The following TMEM229B variants were observed in gnomAD, a reference collection of about 807,000 sequenced individuals.
TMEM229B encodes transmembrane protein 229B, also known as chromosome 14 open reading frame 83.
In TMEM229B, 6 loss-of-function variants were observed where a neutral mutation model predicts 13.7. That is an observed-to-expected ratio of 0.44 (90% CI 0.24 to 0.86). The LOEUF (loss-of-function observed/expected upper bound fraction) is 0.86, where lower values mean the gene tolerates loss of function less well. Ranked by LOEUF, TMEM229B falls within the 40% of genes least tolerant of loss-of-function variation. The probability of loss-of-function intolerance (pLI) is 0.23; values close to 1 mark genes in which losing one functional copy is unlikely to be tolerated. For missense variants in TMEM229B, 170 were observed against 236.0 expected, an observed-to-expected ratio of 0.72 and a Z score of 1.83; for synonymous variants, 107 against 102.1, an observed-to-expected ratio of 1.05 and a Z score of -0.29.
intron 1 of TMEM229B, among the ~76,000 whole-genome samples, chr14:67,513,200 C>T (rs1437395874): frequency 1.3e-5 from 2 of 152,162 alleles, no homozygotes; most frequent in Non-Finnish European, 1.5e-5. Flanking sequence ...ACTGGAGGCT[C>T]GGAGGTCAGG....
At chr14:67,490,593 G>A (rs111474481), upstream of TMEM229B, among the ~76,000 whole-genome samples, 5 of 152,142 alleles carry the variant, frequency 3.3e-5, no homozygotes, top group African/African-American at 1.2e-4. Context: ...AATTCCCTTC[G>A]CACCATTTTC....
chr14:67,525,794 C>T (rs2033357638), intron 1 of TMEM229B, among the ~76,000 whole-genome samples: 2 of 152,182 alleles, frequency 1.3e-5, no homozygotes, highest in Non-Finnish European at 2.9e-5. Context: ...CCAAAAGAAC[C>T]ATGATCTTCT....
chr14:67,531,583 T>C (rs1010699218), intron 1 of TMEM229B, among the ~76,000 whole-genome samples: 4 of 151,896 alleles, frequency 2.6e-5, no homozygotes, highest in Non-Finnish European at 5.9e-5. Flanking sequence ...CCACTCTCCA[T>C]GGTGCGTCTC....
At position 67,488,107 on chromosome 14, in the gene TMEM229B, C is replaced by T. The variant is rs138698256; in HGVS notation, c.-192+401G>A. On this transcript the variant is annotated intron_variant, in intron 1 of 2. Coordinates refer to ENST00000554480, the MANE Select transcript of TMEM229B (RefSeq NM_001348543.2). ...GCATGGCCCTCTGGGACAGCCCAGC[C>T]ACTCAGAAGCTGAGAACAGTATGTG... is the stretch of plus-strand genomic sequence containing the variant. Among the ~76,000 whole-genome samples the T allele has an allele frequency of 7.9e-5, 12 of 152,362 alleles. No individual in the cohort carries two copies. The East Asian group carries it at 2.1e-3, about 27-fold the overall frequency.
chr14:67,491,235 T>C (rs2032155169), upstream of TMEM229B, among the ~76,000 whole-genome samples: 2 of 152,196 alleles, frequency 1.3e-5, no homozygotes, highest in African/African-American at 4.8e-5. Flanking sequence ...CAGAGATGGA[T>C]AGGGTGACGT....
At chr14:67,532,656 C>A (rs2033502609) in intron 1 of TMEM229B, among the ~76,000 whole-genome samples, 1 of 152,174 alleles carries the variant, frequency 6.6e-6, no homozygotes, top group South Asian at 2.1e-4. Context: ...AGTTCGAGTC[C>A]AGCCTGGGCA....
At chr14:67,521,393 A>C (rs963922223) in intron 1 of TMEM229B, among the ~76,000 whole-genome samples, 4 of 152,216 alleles carry the variant, frequency 2.6e-5, no homozygotes, top group African/African-American at 9.7e-5. Flanking sequence ...TGGAGGGAGA[A>C]GAGGCATTAG....
rs1289492404 is a variant in TMEM229B, at chr14:67,496,396, T to TTTTTTG, written c.-191-9225_-191-9224insCAAAAA. Reference sequence around the variant, plus strand: ...GTGTGAGCCACTGCTCCGGCGTTTTTTTTTTTTTTTTTTTTTTTTTTTTTT... The same window carrying TTTTTTG: ...GTGTGAGCCACTGCTCCGGCGTTTTTTTTTTGTTTTTTTTTTTTTTTTTTTTTTTTT... On this transcript the variant is annotated intron_variant, in intron 1 of 2. Transcript: ENST00000357461. 3.7e-4 allele frequency among the ~76,000 whole-genome samples: 43 copies of TTTTTTG among 117,066 alleles called. 1 individual carries two copies. The highest frequency in any genetic ancestry group is 1.4e-3 in the African/African-American group (43 of 31,118). 76.8% of individuals were successfully genotyped at this position (117,066 alleles called of 152,430 possible).
chr14:67,517,599 G>T (rs1483892172), upstream of TMEM229B, among the ~76,000 whole-genome samples: 2 of 152,118 alleles, frequency 1.3e-5, no homozygotes, highest in East Asian at 1.9e-4. Context: ...AAGGTGCAAG[G>T]CATGGCATCA....
upstream of TMEM229B, among the ~76,000 whole-genome samples, chr14:67,492,250 T>C (rs2032199541): frequency 6.6e-6 from 1 of 152,200 alleles, no homozygotes. Context: ...GCTTGCTGCC[T>C]GAAAGGCTGG....
intron 2 of TMEM229B, among the ~76,000 whole-genome samples, chr14:67,486,412 C>A (rs1271341584): frequency 6.6e-6 from 1 of 152,314 alleles, no homozygotes; most frequent in Admixed American, 6.5e-5. Context: ...ATAGCTGGGA[C>A]CACAGGTGCA....
chr14:67,479,997 G>A (rs1300459343), intron 2 of TMEM229B, among the ~76,000 whole-genome samples: 4 of 152,172 alleles, frequency 2.6e-5, no homozygotes, highest in Admixed American at 2.6e-4. Context: ...CCTAATGGAC[G>A]CTGCCCAACC....
At chr14:67,530,739 A>C (rs890968176) in intron 1 of TMEM229B, among the ~76,000 whole-genome samples, 4 of 152,248 alleles carry the variant, frequency 2.6e-5, no homozygotes, top group African/African-American at 9.6e-5. Flanking sequence ...TTGCCCTTGC[A>C]TGAATGGAGT....
At chr14:67,478,721 G>A (rs2031385648) in intron 2 of TMEM229B, among the ~76,000 whole-genome samples, 1 of 152,098 alleles carries the variant, frequency 6.6e-6, no homozygotes, top group Non-Finnish European at 1.5e-5. Context: ...CCCAGGGCCG[G>A]TGAACCCTCC....
At chr14:67,519,054 C>A (rs1174737528), upstream of TMEM229B, among the ~76,000 whole-genome samples, 1 of 152,074 alleles carries the variant, frequency 6.6e-6, no homozygotes, top group Non-Finnish European at 1.5e-5. Context: ...TAGGAAAGAA[C>A]TGGGGGATGG....
At chr14:67,481,822 G>A (rs2140095292) in intron 2 of TMEM229B, among the ~76,000 whole-genome samples, 1 of 152,280 alleles carries the variant, frequency 6.6e-6, no homozygotes, top group South Asian at 2.1e-4. Flanking sequence ...CCCTGGGAAA[G>A]CCTGCTGCAG....
chr14:67,501,397 C>T (rs922031853), intron 1 of TMEM229B, among the ~76,000 whole-genome samples: 23 of 152,258 alleles, frequency 1.5e-4, no homozygotes, highest in Non-Finnish European at 3.4e-4. Context: ...CAGGATCTTG[C>T]TCTGTTGGCC....
rs185953242 is a variant in TMEM229B at position 67,478,239 on chromosome 14, G to A, written c.-18-4298C>T. Among the ~76,000 whole-genome samples, 672 of 152,318 alleles carry A rather than the reference G, an allele frequency of 4.4e-3. 3 individuals carry two copies. The highest frequency in any genetic ancestry group is 0.014 in the Middle Eastern group (4 of 294). ...GGCAAGGGCAGAGGCACAAAGCTGA[G>A]CAAGGCTAGCTGTACAAGTGTGGTT... On this transcript the variant is annotated intron_variant, in intron 2 of 2. Coordinates refer to ENST00000554480, the MANE Select transcript of TMEM229B (RefSeq NM_001348543.2).
chr14:67,489,473 A>G (rs2032064663), upstream of TMEM229B, among the ~76,000 whole-genome samples: 1 of 152,228 alleles, frequency 6.6e-6, no homozygotes, highest in South Asian at 2.1e-4. Context: ...AATATGCCTG[A>G]GACGCTGCTG....
Sources: allele counts gnomAD v4.1 joint callset (sites outside exome capture counted in the v4.1 genomes callset), GRCh38; gene constraint gnomAD v4.1.1; transcripts MANE v1.5; gene names NCBI Gene and HGNC (gene_info 2026-07-23, HGNC 2026-07-21).